Variants in SLFN12L observed in about 807,000 individuals in gnomAD.
SLFN12L encodes schlafen family member 12 like, also known as schlafen family member 12-like.
Under a neutral mutation model 34.8 loss-of-function variants are expected in SLFN12L, and 34 were observed. The observed-to-expected ratio is 0.98, with a 90% CI of 0.74 to 1.30. The LOEUF (loss-of-function observed/expected upper bound fraction) is 1.30. SLFN12L is among the 50% of genes most tolerant of loss of function. SLFN12L has a pLI of 0.00. For synonymous variants in SLFN12L, 259 were observed against 247.5 expected (o/e 1.05, Z -0.44); for missense variants, 703 against 696.2 (o/e 1.01, Z -0.11).
chr17:35,482,323 C>T (rs1277951598), intron 2 of SLFN12L, among the ~76,000 whole-genome samples: 1 of 152,188 alleles, frequency 6.6e-6, no homozygotes, highest in African/African-American at 2.4e-5. Flanking sequence ...TAGTGCTCTT[C>T]TAAAAGGGAC....
intron 2 of SLFN12L, among the ~76,000 whole-genome samples, chr17:35,509,870 T>G (rs1185782184): frequency 6.6e-6 from 1 of 152,058 alleles, no homozygotes; most frequent in African/African-American, 2.4e-5. Context: ...GCTAATTTTT[T>G]GTATTTTTAG....
At chr17:35,533,820 C>T (rs564334416) in intron 1 of SLFN12L, among the ~76,000 whole-genome samples, 3 of 152,276 alleles carry the variant, frequency 2.0e-5, no homozygotes, top group African/African-American at 7.2e-5. Flanking sequence ...ATAGCTCACG[C>T]CTGTAATCCC....
chr17:35,506,472 C>A (rs1313300684), intron 2 of SLFN12L, among the ~76,000 whole-genome samples: 1 of 152,122 alleles, frequency 6.6e-6, no homozygotes, highest in Non-Finnish European at 1.5e-5. Flanking sequence ...TAGTAATAAC[C>A]AATCCCCTTG....
intron 2 of SLFN12L, among the ~76,000 whole-genome samples, chr17:35,516,569 A>G (rs1915835940): frequency 6.6e-6 from 1 of 152,202 alleles, no homozygotes; most frequent in African/African-American, 2.4e-5. Context: ...GCCTCTATCC[A>G]CCAGGTACCA....
chr17:35,482,646 C>T (rs1271303128), intron 2 of SLFN12L, among the ~76,000 whole-genome samples: 4 of 152,342 alleles, frequency 2.6e-5, no homozygotes, highest in African/African-American at 9.6e-5. Flanking sequence ...CTCAGAAGTG[C>T]CTGCTCCCAC....
chr17:35,490,243 C>T (rs1451836900), intron 2 of SLFN12L: 6 of 1,550,034 alleles, frequency 3.9e-6, no homozygotes, highest in Admixed American at 1.7e-5. Flanking sequence ...TAGGAGAAAG[C>T]GGTCATCAGT....
At chr17:35,530,873 G>A (rs376701294) in intron 1 of SLFN12L, among the ~76,000 whole-genome samples, 54 of 152,202 alleles carry the variant, frequency 3.5e-4, no homozygotes, top group African/African-American at 9.1e-4. Context: ...ATTCAGTAGC[G>A]CAGGAAACAT....
intron 1 of SLFN12L, among the ~76,000 whole-genome samples, chr17:35,536,114 C>T (rs534628730): frequency 2.0e-5 from 3 of 152,068 alleles, no homozygotes. Context: ...CAACCACATC[C>T]GGCCAAAAAT....
At position 35,464,841 on chromosome 17, in the gene SLFN12L, T is replaced by C. The variant is rs1345616788; in HGVS notation, c.*10082A>G. On this transcript the variant is annotated 3_prime_UTR_variant, in exon 5 of 5. Transcript: ENST00000628453. ...AACAAAAAGATAGCTAAGGTCGTGA[T>C]TGGGTTTAGAACTGTAAGGTTTTTT... is the stretch of plus-strand genomic sequence containing the variant. 1.3e-5 allele frequency among the ~76,000 whole-genome samples: 2 copies of C among 152,142 alleles called. No individual in the cohort carries two copies. Among genetic ancestry groups the C allele is most frequent in the African/African-American group, 2.4e-5 (1 of 41,434 alleles).
chr17:35,512,821 T>C (rs763261699), intron 2 of SLFN12L, among the ~76,000 whole-genome samples: 18 of 152,246 alleles, frequency 1.2e-4, no homozygotes, highest in South Asian at 6.2e-4. Context: ...AAGCCAATTA[T>C]TTTGAGCCAA....
chr17:35,492,091 A>G (rs1914860022), intron 2 of SLFN12L, among the ~76,000 whole-genome samples: 1 of 152,202 alleles, frequency 6.6e-6, no homozygotes, highest in Non-Finnish European at 1.5e-5. Context: ...TGTGGCACCC[A>G]TCACCATTTC....
Position 35,522,282 on chromosome 17 carries a change from A to G in SLFN12L, c.83T>C (p.Ile28Thr), listed in dbSNP as rs528250318. The change falls in exon 2 of 5, where the codon ATC (isoleucine) becomes ACC (threonine). Residue 28 changes from isoleucine to threonine, a missense_variant. Ile to Thr is a moderately conservative substitution (Grantham distance 89, BLOSUM62 -1). Transcript: ENST00000628453. ...ICESQFLRNF[I>T]RKEFLRGNGL... ...GACATAAGGTCCAACTGCTTACCTG[A>G]TGAAATTCCTCAGAAACTGACTTTC... 1.1e-5 allele frequency: 18 copies of G among 1,614,144 alleles called. No homozygotes were observed. In the African/African-American group the frequency reaches 2.3e-4, roughly 20 times the overall value.
chr17:35,514,706 A>G, intron 2 of SLFN12L: 1 of 374,952 alleles, frequency 2.7e-6, no homozygotes, highest in South Asian at 2.2e-5. Flanking sequence ...CTGCTCAACT[A>G]CCAAGTTAAG....
chr17:35,511,684 C>T (rs1238652743), intron 2 of SLFN12L, among the ~76,000 whole-genome samples: 9 of 151,984 alleles, frequency 5.9e-5, no homozygotes, highest in East Asian at 3.8e-4. Flanking sequence ...AAGTATTTGA[C>T]GTGGCAGTGA....
At chr17:35,523,070 C>G (rs1916045786) in intron 1 of SLFN12L, 101 bp from the exon 2 acceptor site, 1 of 277,676 alleles carries the variant, frequency 3.6e-6, no homozygotes, top group East Asian at 7.3e-5. Flanking sequence ...TTATTAATTA[C>G]AGATATTTCA....
At chr17:35,534,542 G>C (rs2072440880) in intron 1 of SLFN12L, among the ~76,000 whole-genome samples, 1 of 152,170 alleles carries the variant, frequency 6.6e-6, no homozygotes, top group African/African-American at 2.4e-5. Flanking sequence ...ACTAAGGTGG[G>C]GACAGTGGAG....
chr17:35,469,842 G>A lies in SLFN12L; in HGVS notation c.*5081C>T, dbSNP rs984746946. Among the ~76,000 whole-genome samples the A allele has an allele frequency of 9.2e-5, 14 of 152,122 alleles. No homozygotes were observed. Among genetic ancestry groups the A allele is most frequent in the African/African-American group, 2.7e-4 (11 of 41,438 alleles). ...CTGGGGACCGTCCCTAGGCCCCAAAGCCCATCAGAATTATTCAAACTATTG... is the reference window on the plus strand; with the variant it reads ...CTGGGGACCGTCCCTAGGCCCCAAAACCCATCAGAATTATTCAAACTATTG... On this transcript the variant is annotated 3_prime_UTR_variant, in exon 5 of 5. Transcript: ENST00000628453.
rs775289064 is a variant in SLFN12L, at chr17:35,530,532, GAAAA to G, written c.-606+7037_-606+7040del. On this transcript the variant is annotated intron_variant, in intron 1 of 4. Coordinates refer to ENST00000628453, the MANE Select transcript of SLFN12L (RefSeq NM_001363830.2). Reference sequence around the variant, plus strand: ...AGAAAGAAAAGAAAAGAAAAGAAAAGAAAAGAAAAGAAAGAAAGAAAGAAAGAGA... The same window carrying G: ...AGAAAGAAAAGAAAAGAAAAGAAAAGGAAAAGAAAGAAAGAAAGAAAGAGA... Among the ~76,000 whole-genome samples, 10 of 103,346 alleles carry G rather than the reference GAAAA, an allele frequency of 9.7e-5. 2 individuals carry two copies. Among genetic ancestry groups the G allele is most frequent in the South Asian group, 3.0e-4 (1 of 3,334 alleles). 67.8% of individuals were successfully genotyped at this position (103,346 alleles called of 152,430 possible).
At chr17:35,477,974 A>AT in intron 4 of SLFN12L, 101 bp downstream of exon 4, 2 of 721,944 alleles carry the variant, frequency 2.8e-6, no homozygotes, top group Non-Finnish European at 4.5e-6. Context: ...TAAACAAAAG[A>AT]ATGTGCTTCC....
Sources: gnomAD v4.1 joint callset for allele counts (sites outside exome capture counted in the v4.1 genomes callset) on GRCh38, gnomAD v4.1.1 for gene constraint, MANE v1.5 for transcripts, NCBI Gene and HGNC (gene_info 2026-07-23, HGNC 2026-07-21) for gene names.